CTNNA2: variants seen among roughly 807,000 people sequenced by gnomAD.
The protein encoded by CTNNA2 is catenin alpha 2.
A neutral mutation model predicts 101.0 loss-of-function variants in CTNNA2; 42 were observed. The observed-to-expected ratio is 0.42, with a 90% CI of 0.32 to 0.54. The LOEUF (loss-of-function observed/expected upper bound fraction) is 0.54. Among genes scored for constraint, CTNNA2 ranks in the 20% least tolerant of loss-of-function variants. The probability of loss-of-function intolerance (pLI) is 0.14; values close to 1 mark genes in which losing one functional copy is unlikely to be tolerated. For synonymous variants in CTNNA2, 450 were observed against 456.4 expected (o/e 0.99, Z 0.18); for missense variants, 871 against 1,223.1 (o/e 0.71, Z 4.29).
At chr2:79,615,728 G>T (rs1678575149) in intron 1 of CTNNA2, among the ~76,000 whole-genome samples, 1 of 152,098 alleles carries the variant, frequency 6.6e-6, no homozygotes, top group African/African-American at 2.4e-5. Context: ...ATTACTATAA[G>T]ACCTCTGGCC....
chr2:80,110,030 G>A (rs1449178429), intron 7 of CTNNA2, among the ~76,000 whole-genome samples: 1 of 152,202 alleles, frequency 6.6e-6, no homozygotes, highest in Non-Finnish European at 1.5e-5. Context: ...CCCATTCACA[G>A]TGTTGTCACT....
Position 79,288,658 on chromosome 2 carries a change from A to G in CTNNA2, c.-405-24051A>G, listed in dbSNP as rs141242211. ...TGGCTAGCTTAAGCTTCCTCATACC[A>G]TGGTGGCTTTGGAGTTCCAACTGCT... On this transcript the variant is annotated intron_variant, in intron 2 of 21. Coordinates refer to the CTNNA2 transcript ENST00000466387. 4.9e-3 allele frequency among the ~76,000 whole-genome samples: 745 copies of G among 152,122 alleles called. 8 individuals carry two copies. The highest frequency in any genetic ancestry group is 0.017 in the African/African-American group (709 of 41,488).
intron 2 of CTNNA2, among the ~76,000 whole-genome samples, chr2:79,287,231 A>G (rs944258058): frequency 1.3e-5 from 2 of 152,262 alleles, no homozygotes; most frequent in South Asian, 2.1e-4. Flanking sequence ...TAATTTGATC[A>G]TCTGAAGCCT....
intron 7 of CTNNA2, among the ~76,000 whole-genome samples, chr2:79,994,522 T>C (rs138279034): frequency 1.6e-3 from 243 of 152,136 alleles, no homozygotes; most frequent in African/African-American, 5.2e-3. Flanking sequence ...CAGACAGTCA[T>C]TGGATCCCCA....
intron 2 of CTNNA2, among the ~76,000 whole-genome samples, chr2:79,674,567 CTTAG>C (rs1683062373): frequency 6.6e-6 from 1 of 151,960 alleles, no homozygotes; most frequent in Admixed American, 6.6e-5. Flanking sequence ...TAATAGGGAA[CTTAG>C]TTAAATAGGG....
intron 3 of CTNNA2, among the ~76,000 whole-genome samples, chr2:79,331,320 G>A (rs1434216): frequency 0.88 from 133,519 of 152,108 alleles, 58,713 homozygotes; most frequent in East Asian, 0.96. Flanking sequence ...TCTATGGGAT[G>A]TTTATCCAGC....
intron 7 of CTNNA2, among the ~76,000 whole-genome samples, chr2:80,093,901 A>T (rs1699963671): frequency 6.6e-6 from 1 of 151,982 alleles, no homozygotes; most frequent in Non-Finnish European, 1.5e-5. Flanking sequence ...GATTCTGGAT[A>T]TTAGCCCTTT....
intron 3 of CTNNA2, among the ~76,000 whole-genome samples, chr2:79,785,427 A>G (rs189633918): frequency 6.6e-6 from 1 of 152,298 alleles, no homozygotes; most frequent in East Asian, 1.9e-4. Flanking sequence ...AAATGCATTT[A>G]GGATTTTCTC....
intron 12 of CTNNA2, among the ~76,000 whole-genome samples, chr2:80,563,033 T>C (rs1693746036): frequency 7.1e-6 from 1 of 140,218 alleles, no homozygotes; most frequent in Admixed American, 7.1e-5. Context: ...TAGTGCCTGT[T>C]TGTCAAAGTA....
At chr2:79,451,383 C>T (rs1360116887) in intron 4 of CTNNA2, among the ~76,000 whole-genome samples, 1 of 151,912 alleles carries the variant, frequency 6.6e-6, no homozygotes, top group Non-Finnish European at 1.5e-5. Context: ...AATTTTATTA[C>T]ATTAAATACA....
At chr2:79,443,481 A>G (rs1483102022) in intron 4 of CTNNA2, among the ~76,000 whole-genome samples, 3 of 152,196 alleles carry the variant, frequency 2.0e-5, no homozygotes, top group Middle Eastern at 3.4e-3. Context: ...CTCAGTCTAC[A>G]GATTCAAATC....
intron 7 of CTNNA2, among the ~76,000 whole-genome samples, chr2:79,919,861 A>C (rs547575202): frequency 6.6e-6 from 1 of 152,156 alleles, no homozygotes; most frequent in East Asian, 1.9e-4. Context: ...AAATTGTTAC[A>C]CTCTAAGAAC....
rs141324436 is a variant in CTNNA2, at chr2:79,754,578, C to T, written c.298+9996C>T. On this transcript the variant is annotated intron_variant, in intron 3 of 18. Coordinates refer to ENST00000402739, the MANE Select transcript of CTNNA2 (RefSeq NM_001282597.3). Reference sequence around the variant, plus strand: ...CTCCTGCAGCACTTTCCGCAGGGGTCAGCCTCTCTAAAAACAAGAGTTGCG... The same window carrying T: ...CTCCTGCAGCACTTTCCGCAGGGGTTAGCCTCTCTAAAAACAAGAGTTGCG... Among the ~76,000 whole-genome samples the T allele has an allele frequency of 6.1e-3, 935 of 152,246 alleles. 19 individuals are homozygous for T. Among genetic ancestry groups the T allele is most frequent in the East Asian group, 0.052 (266 of 5,160 alleles).
In CTNNA2 at chr2:79,930,242, CAAAGAAAGAAAG is replaced by C. The variant is rs141730925; in HGVS notation, c.1056+20471_1056+20482del. ...TGGGTGACAGAGCGAGACTCTGTCTCAAAGAAAGAAAGAAAGAAAGAAAGAAAGAAAGAAAGA... is the reference window on the plus strand; with the variant it reads ...TGGGTGACAGAGCGAGACTCTGTCTCAAAGAAAGAAAGAAAGAAAGAAAGA... On this transcript the variant is annotated intron_variant, in intron 7 of 18. Coordinates refer to ENST00000402739, the MANE Select transcript of CTNNA2 (RefSeq NM_001282597.3). Among the ~76,000 whole-genome samples the C allele has an allele frequency of 2.8e-4, 23 of 82,638 alleles. 1 individual carries two copies. The highest frequency in any genetic ancestry group is 6.2e-4 in the African/African-American group (14 of 22,728). 54.2% of individuals were successfully genotyped at this position (82,638 alleles called of 152,430 possible).
chr2:79,801,416 G>A (rs756795923), intron 3 of CTNNA2, among the ~76,000 whole-genome samples: 1 of 152,324 alleles, frequency 6.6e-6, no homozygotes, highest in Middle Eastern at 3.4e-3. Context: ...CTAATTAAAT[G>A]CTCTTTAGAG....
intron 1 of CTNNA2, among the ~76,000 whole-genome samples, chr2:79,639,908 A>T (rs1220064140): frequency 6.6e-6 from 1 of 151,434 alleles, no homozygotes; most frequent in Admixed American, 6.6e-5. Context: ...GCATCAGAAC[A>T]TTTGTATTTT....
intron 7 of CTNNA2, among the ~76,000 whole-genome samples, chr2:80,195,159 T>G (rs1416786220): frequency 6.6e-6 from 1 of 152,200 alleles, no homozygotes. Flanking sequence ...GACAGCTTTC[T>G]AATGTATGAG....
chr2:79,233,576 CA>C (rs1674522334), intron 2 of CTNNA2, among the ~76,000 whole-genome samples: 1 of 152,078 alleles, frequency 6.6e-6, no homozygotes, highest in African/African-American at 2.4e-5. Flanking sequence ...TCCAATTGGT[CA>C]AGTGTTGAGT....
Position 80,648,717 on chromosome 2 carries a change from G to T in CTNNA2, c.*845G>T, listed in dbSNP as rs1215874812. 6.6e-6 allele frequency: 1 copy of T among 152,116 alleles called. No individual in the cohort carries two copies. Among genetic ancestry groups the T allele is most frequent in the East Asian group, 1.9e-4 (1 of 5,174 alleles). The allele number at this position is 152,116 out of a possible 1,614,324, so 9.4% of individuals were successfully genotyped here. A position where few individuals can be genotyped will look rare whatever the true frequency, so the allele number is the denominator to read the frequency against. On this transcript the variant is annotated 3_prime_UTR_variant, in exon 19 of 19. Coordinates refer to ENST00000402739, the MANE Select transcript of CTNNA2 (RefSeq NM_001282597.3). Reference sequence around the variant, plus strand: ...GGCAAATACATAGGTGTAGCTTGGAGTGCTGGTATCTAATATACCATTGTA... The same window carrying T: ...GGCAAATACATAGGTGTAGCTTGGATTGCTGGTATCTAATATACCATTGTA...
Sources: allele counts gnomAD v4.1 joint callset (sites outside exome capture counted in the v4.1 genomes callset), GRCh38; gene constraint gnomAD v4.1.1; transcripts MANE v1.5; gene names NCBI Gene and HGNC (gene_info 2026-07-23, HGNC 2026-07-21).